The following CPLANE1 variants were observed in gnomAD, a reference collection of about 807,000 sequenced individuals.
The protein encoded by CPLANE1 is ciliogenesis and planar polarity effector complex subunit 1.
A neutral mutation model predicts 362.5 loss-of-function variants in CPLANE1; 263 were observed. The ratio of observed to expected loss-of-function variants is 0.73; its 90% CI spans 0.66 to 0.80. CPLANE1 has a LOEUF of 0.80. Among genes scored for constraint, CPLANE1 ranks in the 30% least tolerant of loss-of-function variants. The pLI, the probability that CPLANE1 is intolerant of heterozygous loss-of-function variation, is 0.00. For missense variants in CPLANE1, 3,461 were observed against 3,793.4 expected, an observed-to-expected ratio of 0.91 and a Z score of 2.30; for synonymous variants, 1,212 against 1,302.6, an observed-to-expected ratio of 0.93 and a Z score of 1.50.
intron 36 of CPLANE1, 121 bp downstream of exon 36, chr5:37,165,418 T>C (rs1580336671): frequency 1.1e-6 from 1 of 901,672 alleles, no homozygotes; most frequent in African/African-American, 1.7e-5. Context: ...TACTGAATGA[T>C]ATGAAGATCC....
At chr5:37,220,698 T>G (rs1304867683) in intron 15 of CPLANE1, among the ~76,000 whole-genome samples, 1 of 152,166 alleles carries the variant, frequency 6.6e-6, no homozygotes, top group African/African-American at 2.4e-5. Context: ...TTTTTTGTAT[T>G]TTTAGTAGAG....
intron 8 of CPLANE1, among the ~76,000 whole-genome samples, chr5:37,237,403 A>C (rs565137293): frequency 1.3e-5 from 2 of 152,362 alleles, no homozygotes; most frequent in East Asian, 3.9e-4. Flanking sequence ...CAATGGGTAC[A>C]CATGGACATA....
At position 37,184,790 on chromosome 5, in the gene CPLANE1, T is replaced by C; in HGVS notation, c.4479A>G (p.Gln1493=). 1 of 1,608,808 alleles carries C rather than the reference T, an allele frequency of 6.2e-7. No homozygotes were observed. The highest frequency in any genetic ancestry group is 1.7e-5 in the Admixed American group (1 of 59,056). Reference sequence around the variant, plus strand: ...TGATTAAAAGATCTCAATTGTACCTTTGATAGATATTTATCCTACTTTTTT... The same window carrying C: ...TGATTAAAAGATCTCAATTGTACCTCTGATAGATATTTATCCTACTTTTTT... The part of the protein sequence containing the change: ...VEEKSRINIY[Q]RNAPNHMELT... The change falls in exon 25 of 53, where the codon CAA becomes CAG. Residue 1493 remains glutamine, a splice_region_variant and synonymous_variant. Coordinates refer to ENST00000651892, the MANE Select transcript of CPLANE1 (RefSeq NM_001384732.1).
chr5:37,079,668 G>C, the CPLANE1 span, among the ~76,000 whole-genome samples: 1 of 152,116 alleles, frequency 6.6e-6, no homozygotes, highest in South Asian at 2.1e-4. Context: ...GCTTTCATCA[G>C]GGTCTCTACG....
chr5:37,212,347 GC>G (rs1454077417), intron 16 of CPLANE1: 1 of 854,322 alleles, frequency 1.2e-6, no homozygotes, highest in African/African-American at 1.7e-5. Context: ...AGTTTAACAC[GC>G]TTTTCTCATG....
chr5:37,183,935 T>C (rs1783312264), intron 25 of CPLANE1, among the ~76,000 whole-genome samples: 1 of 152,166 alleles, frequency 6.6e-6, no homozygotes, highest in East Asian at 1.9e-4. Context: ...AAATTTGTAT[T>C]AGAAGAGATT....
At chr5:37,211,598 A>C in intron 16 of CPLANE1, 1 of 898,900 alleles carries the variant, frequency 1.1e-6, no homozygotes, top group Non-Finnish European at 1.9e-6. Context: ...AAGCAAAAAG[A>C]AGCCTTGAAA....
Position 37,235,870 on chromosome 5 carries a change from C to CT in CPLANE1, c.938+2986dup, listed in dbSNP as rs748794675. Among the ~76,000 whole-genome samples the CT allele has an allele frequency of 8.1e-3, 962 of 119,364 alleles. 12 individuals carry two copies. Among genetic ancestry groups the CT allele is most frequent in the African/African-American group, 0.024 (759 of 31,846 alleles). The allele number at this position is 119,364 out of a possible 152,430, so 78.3% of individuals were successfully genotyped here. On this transcript the variant is annotated intron_variant, in intron 8 of 52. Transcript: ENST00000651892. ...CAGGCATGAGCCACTGTGCCCAGCA[C>CT]TTTTTTTTTTTTTTTTTGGACAGAG...
At chr5:37,085,367 C>T in the CPLANE1 span, 3 of 1,347,190 alleles carry the variant, frequency 2.2e-6, no homozygotes, top group East Asian at 2.3e-5. Flanking sequence ...TCTATGACAC[C>T]AAGGGTCGCT....
Position 37,196,011 on chromosome 5 carries a change from T to C in CPLANE1, c.3673-15A>G. 6.3e-7 allele frequency: 1 copy of C among 1,583,904 alleles called. No individual in the cohort carries two copies. The highest frequency in any genetic ancestry group is 8.6e-7 in the Non-Finnish European group (1 of 1,168,840). ...TTCATTCGAATCTAAAAGTAAAGAA[T>C]AACCGAACATGTTAATTATCAGCTG... On this transcript the variant is annotated splice_polypyrimidine_tract_variant and intron_variant, in intron 20 of 52. Transcript: ENST00000651892.
chr5:37,179,448 C>A lies in CPLANE1; in HGVS notation c.5738-5G>T, dbSNP rs570312147. On this transcript the variant is annotated splice_polypyrimidine_tract_variant and splice_region_variant and intron_variant, in intron 28 of 52. Transcript: ENST00000651892. ...CAACAGATTCTTCAATGTCTTCTAG[C>A]GATAAGTGAAGATGAAGAGAAAACT... The A allele has an allele frequency of 3.7e-6, 6 of 1,600,308 alleles. No homozygotes were observed. The highest frequency in any genetic ancestry group is 4.5e-5 in the East Asian group (2 of 44,700).
At chr5:37,179,994 A>T (rs771651280) in intron 28 of CPLANE1, 23 bp downstream of exon 28, 2 of 1,499,764 alleles carry the variant, frequency 1.3e-6, no homozygotes, top group Middle Eastern at 1.9e-4. Flanking sequence ...AGCCAAAAAA[A>T]TAGATTATCT....
chr5:37,236,328 A>C (rs1044591008), intron 8 of CPLANE1, among the ~76,000 whole-genome samples: 4 of 152,198 alleles, frequency 2.6e-5, no homozygotes, highest in Non-Finnish European at 4.4e-5. Context: ...CACTGGGGAA[A>C]GGACACCCTA....
intron 35 of CPLANE1, among the ~76,000 whole-genome samples, 187 bp downstream of exon 35, chr5:37,166,860 G>A (rs1778374400): frequency 6.6e-6 from 1 of 152,126 alleles, no homozygotes; most frequent in South Asian, 2.1e-4. Context: ...AAAAATTATA[G>A]TATTTGTCTC....
intron 18 of CPLANE1, among the ~76,000 whole-genome samples, chr5:37,202,483 A>C (rs1252991431): frequency 6.6e-6 from 1 of 152,144 alleles, no homozygotes; most frequent in Non-Finnish European, 1.5e-5. Flanking sequence ...ACATGATAGT[A>C]CTTTGTAATA....
chr5:37,180,199 C>G lies in CPLANE1; in HGVS notation c.5571-16G>C. ...TGGCATTCTACTGAAAAAAATGCAG[C>G]AACTAAAATTACAACTATTCTTGGA... is the stretch of plus-strand genomic sequence containing the variant. On this transcript the variant is annotated splice_polypyrimidine_tract_variant and intron_variant, in intron 27 of 52. Coordinates refer to ENST00000651892, the MANE Select transcript of CPLANE1 (RefSeq NM_001384732.1). The G allele has an allele frequency of 7.0e-7, 1 of 1,423,420 alleles. No homozygotes were observed. Among genetic ancestry groups the G allele is most frequent in the South Asian group, 1.6e-5 (1 of 61,490 alleles). The allele number at this position is 1,423,420 out of a possible 1,614,324, so 88.2% of individuals were successfully genotyped here. A position where few individuals can be genotyped will look rare whatever the true frequency, so the allele number is the denominator to read the frequency against.
intron 50 of CPLANE1, among the ~76,000 whole-genome samples, chr5:37,119,206 CATT>C (rs2150050089): frequency 6.6e-6 from 1 of 152,218 alleles, no homozygotes; most frequent in African/African-American, 2.4e-5. Context: ...AAAAACATGA[CATT>C]ATTTCAATCT....
chr5:37,095,942 C>T, the CPLANE1 span, among the ~76,000 whole-genome samples: 1 of 152,072 alleles, frequency 6.6e-6, no homozygotes, highest in Non-Finnish European at 1.5e-5. Flanking sequence ...ATAAACAAAT[C>T]GAAACACATC....
chr5:37,240,218 A>T (rs1800045630), intron 6 of CPLANE1, among the ~76,000 whole-genome samples: 1 of 152,048 alleles, frequency 6.6e-6, no homozygotes, highest in Admixed American at 6.6e-5. Context: ...GGCATGGTGG[A>T]GTGCACCTGT....
Sources: gnomAD v4.1 joint callset for allele counts (sites outside exome capture counted in the v4.1 genomes callset) on GRCh38, gnomAD v4.1.1 for gene constraint, MANE v1.5 for transcripts, NCBI Gene and HGNC (gene_info 2026-07-23, HGNC 2026-07-21) for gene names.